Variants in TECR observed in about 807,000 individuals in gnomAD.
TECR encodes the protein trans-2,3-enoyl-CoA reductase.
Under a neutral mutation model 50.6 loss-of-function variants are expected in TECR, and 19 were observed. The observed-to-expected ratio is 0.38, with a 90% confidence interval of 0.26 to 0.55. TECR has a LOEUF of 0.55. Ranked by LOEUF, TECR falls within the 20% of genes least tolerant of loss-of-function variation. The pLI is 0.79. For synonymous variants in TECR, 168 were observed against 163.5 expected (o/e 1.03, Z -0.21); for missense variants, 313 against 408.3 (o/e 0.77, Z 2.01).
intron 2 of TECR, 25 bp downstream of exon 2, chr19:14,562,600 T>C (rs375557572): frequency 1.4e-4 from 221 of 1,613,788 alleles, no homozygotes; most frequent in Non-Finnish European, 1.8e-4. Context: ...TGGGCTGCAC[T>C]GGGCCAAGGG....
chr19:14,535,586 ATATGTATG>A (rs1266273826), intron 1 of TECR, among the ~76,000 whole-genome samples: 2 of 41,080 alleles, frequency 4.9e-5, no homozygotes, highest in African/African-American at 1.4e-4. Flanking sequence ...ATATATATAT[ATATGTATG>A]TATATATAAA....
chr19:14,535,126 ACGTTGGGAGG>A (rs991850160), intron 1 of TECR, among the ~76,000 whole-genome samples: 30 of 152,146 alleles, frequency 2.0e-4, no homozygotes, highest in African/African-American at 7.2e-4. Context: ...TAATCCCAGC[ACGTTGGGAGG>A]CTGAGGCAGG....
upstream of TECR, chr19:14,529,479 T>A (rs996841773): frequency 1.5e-6 from 1 of 683,862 alleles, no homozygotes; most frequent in Non-Finnish European, 2.7e-6. Flanking sequence ...CTGGTGCTAG[T>A]CCTAGTCTTG....
intron 1 of TECR, 90 bp from the exon 2 acceptor site, chr19:14,562,435 C>G (rs543114259): frequency 3.4e-6 from 5 of 1,472,698 alleles, no homozygotes; most frequent in Non-Finnish European, 4.8e-6. Context: ...GGAGGCCACC[C>G]CAGGCCTCCT....
chr19:14,551,157 C>T (rs1455931923), intron 1 of TECR, among the ~76,000 whole-genome samples: 4 of 151,832 alleles, frequency 2.6e-5, no homozygotes, highest in African/African-American at 9.7e-5. Context: ...CTGCAACCTC[C>T]ACCTCCCAGG....
intron 1 of TECR, among the ~76,000 whole-genome samples, chr19:14,544,746 C>T (rs1599444211): frequency 6.6e-6 from 1 of 151,680 alleles, no homozygotes; most frequent in Non-Finnish European, 1.5e-5. Flanking sequence ...GATTCTTGTG[C>T]CCCGGCCTCC....
intron 1 of TECR, among the ~76,000 whole-genome samples, chr19:14,545,512 G>T (rs1465445565): frequency 1.3e-5 from 2 of 152,106 alleles, no homozygotes; most frequent in East Asian, 1.9e-4. Flanking sequence ...CCTAGGGGGT[G>T]GGGGGGATAG....
At chr19:14,535,231 G>A (rs1209333184) in intron 1 of TECR, among the ~76,000 whole-genome samples, 1 of 151,680 alleles carries the variant, frequency 6.6e-6, no homozygotes, top group Non-Finnish European at 1.5e-5. Context: ...AAATTGGCCG[G>A]GTGCAGTGGC....
At chr19:14,546,127 GGGGTGGT>G (rs1182986400) in intron 1 of TECR, among the ~76,000 whole-genome samples, 1 of 152,166 alleles carries the variant, frequency 6.6e-6, no homozygotes, top group Non-Finnish European at 1.5e-5. Flanking sequence ...TTCTGCACCT[GGGGTGGT>G]CACAAATCTG....
chr19:14,560,968 C>T (rs1343275869), intron 1 of TECR, among the ~76,000 whole-genome samples: 1 of 152,116 alleles, frequency 6.6e-6, no homozygotes, highest in Non-Finnish European at 1.5e-5. Flanking sequence ...CCTACCTGCC[C>T]CCTTCTGAGG....
At chr19:14,529,556 G>A (rs543638043), upstream of TECR, 28 of 1,311,090 alleles carry the variant, frequency 2.1e-5, no homozygotes, top group South Asian at 3.0e-4. Context: ...CCGACGGGGC[G>A]CGCGCGGCCT....
Position 14,564,201 on chromosome 19 carries a change from T to G in TECR, c.403T>G (p.Ser135Ala). 2.5e-6 allele frequency: 4 copies of G among 1,607,586 alleles called. No homozygotes were observed. The highest frequency in any genetic ancestry group is 3.4e-6 in the Non-Finnish European group (4 of 1,179,762). ...GACCAGCCTCGCCTGCATCTGTCAC[T>G]CATTCCACTACATCAAGCGCCTGCT... ...TVVHLACICH[S>A]FHYIKRLLET... The change falls in exon 7 of 13, where the codon TCA becomes GCA. Residue 135 changes from serine (S) to alanine (A), a missense_variant. Coordinates refer to ENST00000215567, the MANE Select transcript of TECR (RefSeq NM_138501.6).
intron 1 of TECR, among the ~76,000 whole-genome samples, chr19:14,538,530 T>A (rs567565278): frequency 1.8e-4 from 16 of 90,896 alleles, no homozygotes; most frequent in Middle Eastern, 7.5e-3. Context: ...CAAAACTCTT[T>A]TTTTTCTTTT....
At chr19:14,556,226 G>A (rs948482841) in intron 1 of TECR, among the ~76,000 whole-genome samples, 2 of 152,090 alleles carry the variant, frequency 1.3e-5, no homozygotes, top group Non-Finnish European at 2.9e-5. Context: ...TCAGGGCCTT[G>A]GCACTTACTG....
chr19:14,546,326 C>G (rs1413223378), intron 1 of TECR, among the ~76,000 whole-genome samples: 3 of 151,914 alleles, frequency 2.0e-5, no homozygotes, highest in Non-Finnish European at 4.4e-5. Flanking sequence ...GTGGCTCACA[C>G]CTGTAATTTC....
intron 2 of TECR, among the ~76,000 whole-genome samples, 168 bp downstream of exon 2, chr19:14,562,743 C>CG (rs953343046): frequency 1.2e-4 from 19 of 152,024 alleles, no homozygotes; most frequent in African/African-American, 4.3e-4. Context: ...CTGGGTGTGG[C>CG]GGGGAAATGG....
chr19:14,559,759 C>CGTTG (rs1173263231), intron 1 of TECR, among the ~76,000 whole-genome samples: 2 of 150,198 alleles, frequency 1.3e-5, no homozygotes, highest in Non-Finnish European at 3.0e-5. Context: ...TGCACTCCAA[C>CGTTG]CTGGGCGACA....
intron 1 of TECR, chr19:14,545,176 C>G (rs779703536): frequency 2.2e-6 from 1 of 456,758 alleles, no homozygotes. Context: ...CCTCATTGCT[C>G]AAGGGTAAAA....
At chr19:14,547,875 T>TGGTATTG (rs1329789955) in intron 1 of TECR, among the ~76,000 whole-genome samples, 2 of 151,402 alleles carry the variant, frequency 1.3e-5, no homozygotes, top group Non-Finnish European at 2.9e-5. Flanking sequence ...TTGCCCAGGT[T>TGGTATTG]GGTCTTGGGT....
Sources: allele counts gnomAD v4.1 joint callset (sites outside exome capture counted in the v4.1 genomes callset), GRCh38; gene constraint gnomAD v4.1.1; transcripts MANE v1.5; gene names NCBI Gene and HGNC (gene_info 2026-07-23, HGNC 2026-07-21).